SUGCT: variants seen among roughly 807,000 people sequenced by gnomAD.
The protein encoded by SUGCT is succinyl-CoA:glutarate CoA-transferase.
A neutral mutation model predicts 55.0 loss-of-function variants in SUGCT; 41 were observed. The ratio of observed to expected loss-of-function variants is 0.74; its 90% CI spans 0.58 to 0.97. The LOEUF (loss-of-function observed/expected upper bound fraction) is 0.97. Among genes scored for constraint, SUGCT ranks in the 50% least tolerant of loss-of-function variants. The pLI, the probability that SUGCT is intolerant of heterozygous loss-of-function variation, is 0.00. For missense variants in SUGCT, 568 were observed against 547.8 expected (o/e 1.04, Z -0.37); for synonymous variants, 187 against 200.4 (o/e 0.93, Z 0.56).
chr7:40,261,091 TA>T (rs1411264850), intron 7 of SUGCT, among the ~76,000 whole-genome samples: 2 of 152,166 alleles, frequency 1.3e-5, no homozygotes, highest in Non-Finnish European at 2.9e-5. Context: ...TTCAGGGATA[TA>T]AAGTAGACTT....
chr7:40,707,232 CT>C (rs75832510), intron 12 of SUGCT, among the ~76,000 whole-genome samples: 525 of 132,830 alleles, frequency 4.0e-3, no homozygotes, highest in South Asian at 4.9e-3. Context: ...GCAAAATCTA[CT>C]TTTTTTTTTT....
At chr7:40,386,883 C>A (rs1247304100) in intron 9 of SUGCT, among the ~76,000 whole-genome samples, 1 of 152,164 alleles carries the variant, frequency 6.6e-6, no homozygotes, top group Non-Finnish European at 1.5e-5. Context: ...CACAGACCAG[C>A]CCTTCCTCAA....
At chr7:40,282,366 G>A in intron 8 of SUGCT, among the ~76,000 whole-genome samples, 1 of 152,052 alleles carries the variant, frequency 6.6e-6, no homozygotes, top group Non-Finnish European at 1.5e-5. Flanking sequence ...TACTTGGGAG[G>A]CTGAGGCACA....
chr7:40,190,563 C>G (rs1230171220), intron 5 of SUGCT, among the ~76,000 whole-genome samples: 2 of 152,060 alleles, frequency 1.3e-5, no homozygotes. Context: ...AGTACCTACT[C>G]TCTAGGGTTG....
At chr7:40,408,010 TA>T (rs1396019416) in intron 9 of SUGCT, among the ~76,000 whole-genome samples, 1 of 152,274 alleles carries the variant, frequency 6.6e-6, no homozygotes, top group South Asian at 2.1e-4. Flanking sequence ...TCATTCAGAT[TA>T]AATGTACTTT....
At chr7:40,444,120 CT>C (rs748703873) in intron 9 of SUGCT, among the ~76,000 whole-genome samples, 1 of 152,192 alleles carries the variant, frequency 6.6e-6, no homozygotes, top group Non-Finnish European at 1.5e-5. Context: ...GTTTTGGTTA[CT>C]GTAGCCTTGT....
the SUGCT span, among the ~76,000 whole-genome samples, chr7:40,899,237 C>T: frequency 4.6e-5 from 7 of 152,300 alleles, no homozygotes; most frequent in Non-Finnish European, 1.0e-4. Flanking sequence ...CCCTCCTTCC[C>T]TCCCTCCTCA....
chr7:40,223,725 T>G (rs1389418287), intron 6 of SUGCT, among the ~76,000 whole-genome samples: 1 of 152,248 alleles, frequency 6.6e-6, no homozygotes, highest in African/African-American at 2.4e-5. Context: ...TTTTATTTAC[T>G]ATCTTATTTA....
At chr7:40,246,788 G>A (rs532180343) in intron 7 of SUGCT, among the ~76,000 whole-genome samples, 45 of 151,668 alleles carry the variant, frequency 3.0e-4, no homozygotes, top group African/African-American at 1.0e-3. Flanking sequence ...TGGTAGAGAC[G>A]AGGTTTTGCC....
chr7:40,265,730 A>G lies in SUGCT; in HGVS notation c.577-8783A>G, dbSNP rs1029663761. 1.2e-4 allele frequency among the ~76,000 whole-genome samples: 18 copies of G among 152,338 alleles called. No homozygotes were observed. The East Asian group carries it at 3.1e-3, about 26-fold the overall frequency. On this transcript the variant is annotated intron_variant, in intron 7 of 13. Coordinates refer to ENST00000335693, the MANE Select transcript of SUGCT (RefSeq NM_001193313.2). ...AGCACTTTGGGATGTTGAGACAGGC[A>G]GATCACTTTAAGCCATGAGATCGAG...
At position 40,860,461 on chromosome 7, in the gene SUGCT, C is replaced by A. The variant is rs1171546511; in HGVS notation, c.1299C>A (p.Asp433Glu). 6.2e-7 allele frequency: 1 copy of A among 1,612,276 alleles called. No individual in the cohort carries two copies. Among genetic ancestry groups the A allele is most frequent in the Non-Finnish European group, 8.5e-7 (1 of 1,178,722 alleles). The stretch of plus-strand genomic sequence containing the variant: ...AGCTGCTCAGCGCTGGAGTGGTGGA[C>A]CAACATGAAACTCACTGACAAAGGA... Reference protein sequence around the residue: ...IGELLSAGVVDQHETH With the variant: ...IGELLSAGVVEQHETH Residue 433 changes from aspartate to glutamate, a missense_variant, in exon 14 of 14, where the codon GAC becomes GAA. Transcript: ENST00000335693.
chr7:40,898,341 G>A, the SUGCT span, among the ~76,000 whole-genome samples: 1 of 152,162 alleles, frequency 6.6e-6, no homozygotes, highest in Admixed American at 6.5e-5. Flanking sequence ...TCACCGCGAA[G>A]GTCTGCGGCT....
intron 12 of SUGCT, among the ~76,000 whole-genome samples, chr7:40,560,169 C>G (rs1330182363): frequency 6.6e-6 from 1 of 152,170 alleles, no homozygotes; most frequent in East Asian, 1.9e-4. Flanking sequence ...ATGAGTGGCC[C>G]TAAGCATACA....
intron 9 of SUGCT, among the ~76,000 whole-genome samples, chr7:40,383,495 T>A (rs1784970704): frequency 6.6e-6 from 1 of 152,216 alleles, no homozygotes; most frequent in African/African-American, 2.4e-5. Flanking sequence ...GTACTTACTA[T>A]ATAGAAAGGA....
intron 6 of SUGCT, among the ~76,000 whole-genome samples, chr7:40,209,445 C>T (rs1051950394): frequency 6.6e-6 from 1 of 151,866 alleles, no homozygotes; most frequent in African/African-American, 2.4e-5. Context: ...TGCAGGAGCC[C>T]AGATCTCGTC....
At chr7:40,578,564 T>A (rs1796903345) in intron 12 of SUGCT, among the ~76,000 whole-genome samples, 1 of 152,182 alleles carries the variant, frequency 6.6e-6, no homozygotes, top group Non-Finnish European at 1.5e-5. Flanking sequence ...TTTTTCCTCT[T>A]CAGTGGTTCT....
Position 40,860,381 on chromosome 7 carries a change from C to G in SUGCT, c.1219C>G (p.His407Asp). The G allele has an allele frequency of 6.2e-7, 1 of 1,613,984 alleles. No homozygotes were observed. The highest frequency in any genetic ancestry group is 8.5e-7 in the Non-Finnish European group (1 of 1,179,868). ...CAGGCCGCCCCCGCTGCTCGGGCAGCACACAACGCACATCCTGAAGGAGGT... is the reference window on the plus strand; with the variant it reads ...CAGGCCGCCCCCGCTGCTCGGGCAGGACACAACGCACATCCTGAAGGAGGT... ...EARPPPLLGQ[H>D]TTHILKEVLR... Residue 407 changes from histidine to aspartate, a missense_variant, in exon 14 of 14, where the codon CAC becomes GAC. His to Asp is a moderately conservative substitution (Grantham distance 81). Coordinates refer to ENST00000335693, the MANE Select transcript of SUGCT (RefSeq NM_001193313.2).
chr7:41,037,444 A>G, the SUGCT span, among the ~76,000 whole-genome samples: 140 of 152,070 alleles, frequency 9.2e-4, no homozygotes, highest in Non-Finnish European at 1.8e-3. Flanking sequence ...AAAAAAAGAT[A>G]TATTACATAA....
At chr7:40,460,817 T>C (rs1315139243) in intron 11 of SUGCT, among the ~76,000 whole-genome samples, 1 of 152,180 alleles carries the variant, frequency 6.6e-6, no homozygotes, top group Admixed American at 6.6e-5. Context: ...AGTAGAAGTT[T>C]CAGCATTTTG....
Sources: gnomAD v4.1 joint callset for allele counts (sites outside exome capture counted in the v4.1 genomes callset) on GRCh38, gnomAD v4.1.1 for gene constraint, MANE v1.5 for transcripts, NCBI Gene and HGNC (gene_info 2026-07-23, HGNC 2026-07-21) for gene names.